SPECC1: variants seen among roughly 807,000 people sequenced by gnomAD.
SPECC1 encodes the protein sperm antigen with calponin homology and coiled-coil domains 1, also known as cytospin-B.
SPECC1 carries 62 observed loss-of-function variants against 104.1 expected under a neutral mutation model. The ratio of observed to expected loss-of-function variants is 0.60; its 90% CI spans 0.49 to 0.74. SPECC1 has a LOEUF of 0.74. SPECC1 is among the 30% of genes least tolerant of loss of function. The pLI is 0.00. For synonymous variants in SPECC1, 513 were observed against 501.6 expected (o/e 1.02, Z -0.30); for missense variants, 1,306 against 1,310.5 (o/e 1.00, Z 0.05).
At chr17:20,279,097 TC>T (rs944134743) in intron 12 of SPECC1, among the ~76,000 whole-genome samples, 1 of 152,180 alleles carries the variant, frequency 6.6e-6, no homozygotes, top group Non-Finnish European at 1.5e-5. Flanking sequence ...TTGCTGCTGT[TC>T]CTTCTCCATC....
In SPECC1 at chr17:20,317,434, T is replaced by A. The variant is rs1598192030; in HGVS notation, c.*3369T>A. On this transcript the variant is annotated 3_prime_UTR_variant, in exon 15 of 15. Coordinates refer to ENST00000395527, the MANE Select transcript of SPECC1 (RefSeq NM_001243439.2). Reference sequence around the variant, plus strand: ...TGCCACCATGCCTGGCATATTTTTGTATTTTTAGTAGAAACAGTTTCACCA... The same window carrying A: ...TGCCACCATGCCTGGCATATTTTTGAATTTTTAGTAGAAACAGTTTCACCA... The A allele has an allele frequency of 2.3e-5, 4 of 176,586 alleles. No homozygotes were observed. The East Asian group carries it at 3.8e-4, about 17-fold the overall frequency. The allele number at this position is 176,586 out of a possible 1,614,324, so 10.9% of individuals were successfully genotyped here. A position where few individuals can be genotyped will look rare whatever the true frequency, so the allele number is the denominator to read the frequency against.
chr17:20,206,817 C>T (rs1191627625), intron 4 of SPECC1, among the ~76,000 whole-genome samples: 1 of 152,180 alleles, frequency 6.6e-6, no homozygotes, highest in African/African-American at 2.4e-5. Flanking sequence ...TTCATCCTAG[C>T]GGTCATGAGA....
chr17:20,196,471 T>C (rs2036042746), intron 3 of SPECC1, among the ~76,000 whole-genome samples: 1 of 150,220 alleles, frequency 6.7e-6, no homozygotes, highest in Non-Finnish European at 1.5e-5. Context: ...GTAAGAGTCA[T>C]AGTGGCATTT....
intron 1 of SPECC1, among the ~76,000 whole-genome samples, chr17:20,021,698 A>ATTT (rs1456183299): frequency 1.1e-4 from 12 of 113,660 alleles, no homozygotes; most frequent in African/African-American, 4.9e-4. Context: ...ATATATATAT[A>ATTT]TATATTTTTT....
At chr17:20,122,214 T>C (rs1418305750) in intron 3 of SPECC1, among the ~76,000 whole-genome samples, 1 of 152,168 alleles carries the variant, frequency 6.6e-6, no homozygotes, top group Non-Finnish European at 1.5e-5. Flanking sequence ...GTCAGGACTT[T>C]GGATTTTTTA....
At chr17:20,221,174 C>T (rs2037851637) in intron 4 of SPECC1, among the ~76,000 whole-genome samples, 1 of 152,012 alleles carries the variant, frequency 6.6e-6, no homozygotes, top group South Asian at 2.1e-4. Context: ...GATAATACTG[C>T]TTTCAGAATT....
At chr17:20,062,106 A>G (rs902400842) in intron 1 of SPECC1, among the ~76,000 whole-genome samples, 5 of 151,950 alleles carry the variant, frequency 3.3e-5, no homozygotes, top group African/African-American at 1.2e-4. Flanking sequence ...ACAAAAAATT[A>G]GCCAGGCATG....
At chr17:20,283,694 C>T (rs2040851236) in intron 12 of SPECC1, among the ~76,000 whole-genome samples, 1 of 152,096 alleles carries the variant, frequency 6.6e-6, no homozygotes, top group African/African-American at 2.4e-5. Flanking sequence ...TCAAGCAGTC[C>T]TCCCACCTCA....
intron 1 of SPECC1, among the ~76,000 whole-genome samples, chr17:20,062,334 G>A (rs1420669810): frequency 6.6e-6 from 1 of 151,346 alleles, no homozygotes; most frequent in Non-Finnish European, 1.5e-5. Flanking sequence ...GCATTAAAAC[G>A]CTTAACATTT....
chr17:20,138,925 C>T (rs1426136679), intron 3 of SPECC1, among the ~76,000 whole-genome samples: 1 of 152,132 alleles, frequency 6.6e-6, no homozygotes, highest in Non-Finnish European at 1.5e-5. Context: ...TTAAATTTTT[C>T]CATTTTTGGC....
At chr17:20,091,959 A>G (rs2047420928) in intron 1 of SPECC1, among the ~76,000 whole-genome samples, 1 of 152,190 alleles carries the variant, frequency 6.6e-6, no homozygotes, top group South Asian at 2.1e-4. Context: ...TTAGTGGCGG[A>G]ACAGCGTGTT....
intron 3 of SPECC1, among the ~76,000 whole-genome samples, chr17:20,186,875 A>G (rs144608362): frequency 1.3e-5 from 2 of 152,084 alleles, no homozygotes; most frequent in African/African-American, 4.8e-5. Flanking sequence ...AGCCTGGCCA[A>G]TTTTTGTTTT....
rs1232649154 is a variant in SPECC1, at chr17:20,009,610, T to C, written c.-22+186T>C. ...GCCCCGGTCCCCTCGTCGCGTGTCC[T>C]GTCCCCAGCCCAGGAGGGACGTCCT... On this transcript the variant is annotated intron_variant, in intron 1 of 14. Coordinates refer to ENST00000395527, the MANE Select transcript of SPECC1 (RefSeq NM_001243439.2). The surrounding 1 kb of genome is among the most constrained non-coding windows in gnomAD (Gnocchi z 5.2). Among the ~76,000 whole-genome samples the C allele has an allele frequency of 6.6e-6, 1 of 152,086 alleles. No homozygotes were observed. The highest frequency in any genetic ancestry group is 6.5e-5 in the Admixed American group (1 of 15,288).
intron 3 of SPECC1, among the ~76,000 whole-genome samples, chr17:20,201,352 C>T (rs1227283016): frequency 1.3e-5 from 2 of 151,862 alleles, no homozygotes; most frequent in Admixed American, 6.6e-5. Context: ...CATGGTGGCT[C>T]GCGCCTGTAG....
chr17:20,200,377 TTTC>T (rs768493511), intron 3 of SPECC1, among the ~76,000 whole-genome samples: 13 of 152,230 alleles, frequency 8.5e-5, no homozygotes, highest in Non-Finnish European at 1.9e-4. Context: ...TTCAAACATG[TTTC>T]TTCTTTATGA....
At chr17:20,068,541 A>C (rs1293301464) in intron 1 of SPECC1, among the ~76,000 whole-genome samples, 1 of 152,166 alleles carries the variant, frequency 6.6e-6, no homozygotes, top group African/African-American at 2.4e-5. Flanking sequence ...ACTGGGTGTA[A>C]CTTTTTGAGG....
intron 3 of SPECC1, among the ~76,000 whole-genome samples, chr17:20,157,733 G>T (rs1437010038): frequency 6.6e-6 from 1 of 152,302 alleles, no homozygotes; most frequent in African/African-American, 2.4e-5. Context: ...GACATAAAAA[G>T]AATATGTTTA....
At chr17:20,225,363 G>A (rs770669447) in intron 4 of SPECC1, among the ~76,000 whole-genome samples, 14 of 152,204 alleles carry the variant, frequency 9.2e-5, no homozygotes, top group Non-Finnish European at 1.5e-4. Flanking sequence ...TTGTGGCCTA[G>A]CCTCTTTCAG....
chr17:20,098,465 A>G (rs747557939), intron 2 of SPECC1, among the ~76,000 whole-genome samples: 1 of 151,926 alleles, frequency 6.6e-6, no homozygotes, highest in Non-Finnish European at 1.5e-5. Flanking sequence ...CTCTGCGTCA[A>G]CCCTCTAGTG....
Sources: allele counts gnomAD v4.1 joint callset (sites outside exome capture counted in the v4.1 genomes callset), GRCh38; gene constraint gnomAD v4.1.1; non-coding constraint Gnocchi (gnomAD v3.1); transcripts MANE v1.5; gene names NCBI Gene and HGNC (gene_info 2026-07-23, HGNC 2026-07-21).